PKHD1L1: variants seen among roughly 807,000 people sequenced by gnomAD.
PKHD1L1 encodes the protein PKHD1 like 1.
In PKHD1L1, 434 loss-of-function variants were observed where a neutral mutation model predicts 462.9. The ratio of observed to expected loss-of-function variants is 0.94; its 90% confidence interval spans 0.87 to 1.02. The LOEUF (loss-of-function observed/expected upper bound fraction) is 1.02, where lower values mean the gene tolerates loss of function less well. Among genes scored for constraint, PKHD1L1 ranks in the 50% least tolerant of loss-of-function variants. The pLI is 0.00. For synonymous variants in PKHD1L1, 1,781 were observed against 1,750.0 expected (o/e 1.02, Z -0.44); for missense variants, 5,202 against 5,096.1 (o/e 1.02, Z -0.63).
chr8:109,437,415 C>T (rs1385557506), intron 30 of PKHD1L1, among the ~76,000 whole-genome samples: 1 of 151,898 alleles, frequency 6.6e-6, no homozygotes, highest in East Asian at 1.9e-4. Flanking sequence ...CATATGTATA[C>T]ATGTGCCATG....
At chr8:109,366,639 G>A (rs1326865714) in intron 2 of PKHD1L1, among the ~76,000 whole-genome samples, 1 of 151,654 alleles carries the variant, frequency 6.6e-6, no homozygotes, top group Non-Finnish European at 1.5e-5. Context: ...AATAGAGCAG[G>A]AGGAAACTTT....
At chr8:109,416,167 T>C (rs1563752635) in intron 21 of PKHD1L1, among the ~76,000 whole-genome samples, 1 of 152,180 alleles carries the variant, frequency 6.6e-6, no homozygotes, top group Non-Finnish European at 1.5e-5. Context: ...TTCAAAGGAT[T>C]CTTCAGGAAA....
chr8:109,489,907 C>T lies in PKHD1L1; in HGVS notation c.9881-45C>T, dbSNP rs1318258494. On this transcript the variant is annotated intron_variant, in intron 59 of 77. Transcript: ENST00000378402. ...GTAGCTTTTCAAAAATGTTTTATTCCAACTGTTTTAAGAAAAACAAATTTT... is the reference window on the plus strand; with the variant it reads ...GTAGCTTTTCAAAAATGTTTTATTCTAACTGTTTTAAGAAAAACAAATTTT... The T allele has an allele frequency of 1.0e-5, 12 of 1,184,086 alleles. No individual in the cohort carries two copies. In the East Asian group the frequency reaches 2.1e-4, roughly 21 times the overall value. The allele number at this position is 1,184,086 out of a possible 1,614,324, so 73.3% of individuals were successfully genotyped here.
At chr8:109,424,417 T>C (rs1196065019) in intron 23 of PKHD1L1, among the ~76,000 whole-genome samples, 1 of 152,230 alleles carries the variant, frequency 6.6e-6, no homozygotes, top group East Asian at 1.9e-4. Context: ...CTTGCTTATG[T>C]CTTTTAGCAC....
rs17368310 is a variant in PKHD1L1, at chr8:109,459,837, G to A, written c.7246+1G>A. ...GCATGTCCTGATGGATTTGACACAGGTAATTTTAGCAGCTCTCGTGGTTGG... is the reference window on the plus strand; with the variant it reads ...GCATGTCCTGATGGATTTGACACAGATAATTTTAGCAGCTCTCGTGGTTGG... On this transcript the variant is annotated splice_donor_variant, in intron 47 of 77. Transcript: ENST00000378402. LOFTEE classifies it high-confidence loss of function. 7.5e-6 allele frequency: 12 copies of A among 1,605,932 alleles called. No individual in the cohort carries two copies. The highest frequency in any genetic ancestry group is 6.8e-5 in the Admixed American group (4 of 59,060).
chr8:109,398,005 T>C (rs1813065237), intron 11 of PKHD1L1, among the ~76,000 whole-genome samples: 1 of 152,210 alleles, frequency 6.6e-6, no homozygotes, highest in South Asian at 2.1e-4. Context: ...TTAACAATTA[T>C]TATCCCCCTT....
Position 109,408,079 on chromosome 8 carries a change from T to A in PKHD1L1, c.1844T>A (p.Val615Asp). 1 of 1,610,646 alleles carries A rather than the reference T, an allele frequency of 6.2e-7. No homozygotes were observed. The highest frequency in any genetic ancestry group is 1.1e-5 in the South Asian group (1 of 90,442). The part of the protein sequence containing the change: ...GDFDLLGYEV[V>D]EGNNVTLDIT... ...TTTGATCTGCTTGGTTATGAAGTAG[T>A]TGAAGGGAATAATGTCACACTGGAT... Residue 615 changes from valine (V) to aspartate (D), a missense_variant, in exon 18 of 78, where the codon GTT (valine) becomes GAT (aspartate). This residue lies in a region of PKHD1L1 where 4,497 missense variants were observed against 4,336.8 expected (regional missense o/e 1.04). Coordinates refer to ENST00000378402, the MANE Select transcript of PKHD1L1 (RefSeq NM_177531.6).
rs145540665 is a variant in PKHD1L1, at chr8:109,368,327, C to T, written c.163+3691C>T. ...GCATATGGACTTTGGTTCAGTCTGACTGGCTTTCAATTCACCTTTGCCATT... is the reference window on the plus strand; with the variant it reads ...GCATATGGACTTTGGTTCAGTCTGATTGGCTTTCAATTCACCTTTGCCATT... On this transcript the variant is annotated intron_variant, in intron 2 of 77. Transcript: ENST00000378402. Among the ~76,000 whole-genome samples the T allele has an allele frequency of 3.3e-5, 5 of 152,334 alleles. No individual in the cohort carries two copies. The East Asian group carries it at 9.6e-4, about 29-fold the overall frequency.
chr8:109,492,104 T>A, intron 62 of PKHD1L1, 110 bp downstream of exon 62: 1 of 935,696 alleles, frequency 1.1e-6, no homozygotes, highest in Non-Finnish European at 1.4e-6. Context: ...AAAAAGATGA[T>A]GTAAGTTTCG....
At position 109,533,501 on chromosome 8, in the gene PKHD1L1, G is replaced by A. The variant is rs1563647587; in HGVS notation, c.*3411G>A. ...ATTAGAATTATTGGCTGGGCACTGG[G>A]CCACCTAGAACAAAGACAATTTCCC... On this transcript the variant is annotated 3_prime_UTR_variant, in exon 78 of 78. Coordinates refer to ENST00000378402, the MANE Select transcript of PKHD1L1 (RefSeq NM_177531.6). Among the ~76,000 whole-genome samples, 1 of 152,166 alleles carries A rather than the reference G, an allele frequency of 6.6e-6. No individual in the cohort carries two copies.
chr8:109,411,947 G>T (rs10955518), intron 19 of PKHD1L1, among the ~76,000 whole-genome samples: 3 of 151,742 alleles, frequency 2.0e-5, no homozygotes, highest in Non-Finnish European at 4.4e-5. Flanking sequence ...CAGCAAACAC[G>T]CAAACAAGCA....
intron 21 of PKHD1L1, 73 bp downstream of exon 21, chr8:109,413,618 T>A: frequency 8.0e-7 from 1 of 1,251,328 alleles, no homozygotes; most frequent in Non-Finnish European, 1.0e-6. Context: ...ACAAATCCAT[T>A]TCTTGGGGTT....
At chr8:109,438,865 T>G in intron 31 of PKHD1L1, 32 bp from the exon 32 acceptor site, 1 of 1,474,266 alleles carries the variant, frequency 6.8e-7, no homozygotes, top group East Asian at 2.4e-5. Context: ...AGTTGAACTT[T>G]TTGCATTATT....
chr8:109,515,178 A>G lies in PKHD1L1; in HGVS notation c.11562A>G (p.Leu3854=). 1 of 1,587,806 alleles carries G rather than the reference A, an allele frequency of 6.3e-7. No homozygotes were observed. The highest frequency in any genetic ancestry group is 8.6e-7 in the Non-Finnish European group (1 of 1,167,476). Residue 3854 remains leucine, a synonymous_variant, in exon 72 of 78, where the codon CTA becomes CTG. Coordinates refer to ENST00000378402, the MANE Select transcript of PKHD1L1 (RefSeq NM_177531.6). ...TTTTTTTTCTTTAATAGGCTGTTCT[A>G]GTAGGAATTTTCTTTTCCACACTTC... The part of the protein sequence containing the change: ...LLNVDHNKAV[L]VGIFFSTLQR...
intron 73 of PKHD1L1, among the ~76,000 whole-genome samples, chr8:109,521,857 A>G (rs997028464): frequency 9.2e-5 from 14 of 152,210 alleles, no homozygotes; most frequent in African/African-American, 3.4e-4. Flanking sequence ...AATGCATGAT[A>G]ATGCTTCATT....
chr8:109,501,757 C>G (rs983534245), intron 67 of PKHD1L1, among the ~76,000 whole-genome samples: 1 of 152,210 alleles, frequency 6.6e-6, no homozygotes, highest in African/African-American at 2.4e-5. Context: ...CAGAGATTAA[C>G]TGATATTTGT....
chr8:109,455,800 A>G (rs1188223167), intron 45 of PKHD1L1, among the ~76,000 whole-genome samples: 3 of 152,166 alleles, frequency 2.0e-5, no homozygotes, highest in African/African-American at 7.2e-5. Flanking sequence ...AATTTAGAAT[A>G]CCATAAACAT....
chr8:109,420,991 A>G (rs1472804803), intron 23 of PKHD1L1, among the ~76,000 whole-genome samples: 3 of 152,094 alleles, frequency 2.0e-5, no homozygotes, highest in Admixed American at 2.0e-4. Flanking sequence ...CCTGAAACAG[A>G]TATTATTGAG....
At position 109,491,994 on chromosome 8, in the gene PKHD1L1, G is replaced by C; in HGVS notation, c.10236G>C (p.Glu3412Asp). ...CAACTCTCTGGCATGCAGCAATTGAGGTAGTGAAAACAAACTTATAATTAT... is the reference window on the plus strand; with the variant it reads ...CAACTCTCTGGCATGCAGCAATTGACGTAGTGAAAACAAACTTATAATTAT... ...LSSTLWHAAIEINRGTNTVLQ... is the reference protein window; with the variant it reads ...LSSTLWHAAIDINRGTNTVLQ... Residue 3412 changes from glutamate to aspartate, a missense_variant and splice_region_variant, in exon 62 of 78, where the codon GAG becomes GAC. Glu to Asp is a conservative substitution (Grantham distance 45, BLOSUM62 2). Transcript: ENST00000378402. The C allele has an allele frequency of 6.6e-7, 1 of 1,515,294 alleles. No individual in the cohort carries two copies. Among genetic ancestry groups the C allele is most frequent in the Non-Finnish European group, 8.9e-7 (1 of 1,126,112 alleles). The allele number at this position is 1,515,294 out of a possible 1,614,324, so 93.9% of individuals were successfully genotyped here. A position where few individuals can be genotyped will look rare whatever the true frequency, so the allele number is the denominator to read the frequency against.
Sources: gnomAD v4.1 joint callset for allele counts (sites outside exome capture counted in the v4.1 genomes callset) on GRCh38, gnomAD v4.1.1 for gene constraint, gnomAD v4.1.1 regional missense constraint, MANE v1.5 for transcripts, NCBI Gene and HGNC (gene_info 2026-07-23, HGNC 2026-07-21) for gene names.